Variants in RORA observed in about 807,000 individuals in gnomAD.
RORA encodes RAR related orphan receptor A, also known as nuclear receptor ROR-alpha.
Under a neutral mutation model 69.5 loss-of-function variants are expected in RORA, and 7 were observed. The ratio of observed to expected loss-of-function variants is 0.10; its 90% confidence interval spans 0.06 to 0.19. The LOEUF (loss-of-function observed/expected upper bound fraction) is 0.19, where lower values mean the gene tolerates loss of function less well. Ranked by LOEUF, RORA falls within the 10% of genes least tolerant of loss-of-function variation. The probability of loss-of-function intolerance (pLI) is 1.00; values close to 1 mark genes in which losing one functional copy is unlikely to be tolerated. For synonymous variants in RORA, 261 were observed against 240.8 expected (o/e 1.08, Z -0.78); for missense variants, 457 against 663.0 (o/e 0.69, Z 3.41).
intron 2 of RORA, chr15:60,614,901 C>G (rs340022): frequency 6.2e-7 from 1 of 1,612,342 alleles, no homozygotes; most frequent in South Asian, 1.1e-5. Flanking sequence ...CACCTTTTCT[C>G]AATGCAGGGA....
intron 2 of RORA, among the ~76,000 whole-genome samples, chr15:60,568,141 T>C (rs1302430731): frequency 1.3e-5 from 2 of 152,218 alleles, no homozygotes; most frequent in Non-Finnish European, 2.9e-5. Context: ...ATGGAGAGAA[T>C]GGTTTCCAGG....
intron 1 of RORA, among the ~76,000 whole-genome samples, chr15:61,159,444 G>C (rs2079475058): frequency 6.6e-6 from 1 of 152,038 alleles, no homozygotes; most frequent in South Asian, 2.1e-4. Context: ...AGAAACCCTT[G>C]TCAAAAACTG....
intron 2 of RORA, among the ~76,000 whole-genome samples, chr15:60,572,055 T>TA (rs2140455623): frequency 6.6e-6 from 1 of 152,340 alleles, no homozygotes; most frequent in East Asian, 1.9e-4. Flanking sequence ...GCCTGATATC[T>TA]AAATTCCATG....
chr15:60,957,777 A>T (rs967024697), intron 1 of RORA, among the ~76,000 whole-genome samples: 1 of 151,714 alleles, frequency 6.6e-6, no homozygotes, highest in Non-Finnish European at 1.5e-5. Flanking sequence ...AAGAAGATAG[A>T]GACTGTTCTA....
chr15:60,509,357 G>A lies in RORA; in HGVS notation c.820+1869C>T, dbSNP rs113406791. On this transcript the variant is annotated intron_variant, in intron 5 of 10. Transcript: ENST00000335670. ...TCTTGGTAAATACCACAACACCTGT[G>A]AAAAATCCCTAATTTAAAAGCACAT... Among the ~76,000 whole-genome samples the A allele has an allele frequency of 3.3e-5, 5 of 152,284 alleles. 1 individual carries two copies. The highest frequency in any genetic ancestry group is 1.2e-4 in the African/African-American group (5 of 41,560).
At chr15:60,696,829 G>A (rs577872335) in intron 1 of RORA, among the ~76,000 whole-genome samples, 6 of 152,230 alleles carry the variant, frequency 3.9e-5, no homozygotes, top group Admixed American at 1.3e-4. Context: ...AGAAGAAAAC[G>A]CTGAGGTGAG....
intron 1 of RORA, among the ~76,000 whole-genome samples, chr15:60,753,701 T>C (rs1368863178): frequency 6.6e-6 from 1 of 152,238 alleles, no homozygotes; most frequent in Admixed American, 6.5e-5. Context: ...TATATCCCTT[T>C]ATATTTTTTG....
chr15:60,586,814 TCAGA>T (rs1374598215), intron 2 of RORA, among the ~76,000 whole-genome samples: 1 of 152,152 alleles, frequency 6.6e-6, no homozygotes, highest in Non-Finnish European at 1.5e-5. Context: ...TTATTTGCTT[TCAGA>T]CAAACACACC....
chr15:60,926,432 T>C (rs1023694003), intron 1 of RORA, among the ~76,000 whole-genome samples: 9 of 152,232 alleles, frequency 5.9e-5, no homozygotes, highest in African/African-American at 9.6e-5. Flanking sequence ...GGGTAGATTA[T>C]AGAGTTATCC....
At chr15:61,170,363 G>A (rs753454030) in intron 1 of RORA, among the ~76,000 whole-genome samples, 26 of 152,150 alleles carry the variant, frequency 1.7e-4, no homozygotes, top group African/African-American at 5.1e-4. Flanking sequence ...GCAGTGTAGC[G>A]TCTTCAAATC....
chr15:60,898,698 TA>T (rs1339157683), intron 1 of RORA, among the ~76,000 whole-genome samples: 1 of 150,272 alleles, frequency 6.7e-6, no homozygotes. Context: ...CTCTAACTCT[TA>T]AAAAAAAAGA....
chr15:60,813,940 C>T (rs2072776555), intron 1 of RORA, among the ~76,000 whole-genome samples: 1 of 152,050 alleles, frequency 6.6e-6, no homozygotes. Flanking sequence ...CTCAGTCCTG[C>T]TTAGTTCCAT....
At chr15:60,636,923 A>G (rs1172707123) in intron 2 of RORA, among the ~76,000 whole-genome samples, 6 of 152,130 alleles carry the variant, frequency 3.9e-5, no homozygotes, top group Non-Finnish European at 8.8e-5. Flanking sequence ...TATTATTTTA[A>G]TGGCAGTATA....
chr15:60,612,623 A>G (rs969814411), intron 2 of RORA, among the ~76,000 whole-genome samples: 3 of 143,934 alleles, frequency 2.1e-5, no homozygotes, highest in Admixed American at 1.4e-4. Context: ...AATCCGAGAC[A>G]CCTCTGTACC....
chr15:60,493,856 GT>G lies in RORA; in HGVS notation c.*3598del, dbSNP rs2065098054. ...TAAATCTTTTTTTCCCCATCTTCTA[GT>G]TTTGATTTAAGTATTTTGAATACAT... is the stretch of plus-strand genomic sequence containing the variant. On this transcript the variant is annotated 3_prime_UTR_variant, in exon 11 of 11. Coordinates refer to ENST00000335670, the MANE Select transcript of RORA (RefSeq NM_134261.3). 1 of 151,590 alleles carries G rather than the reference GT, an allele frequency of 6.6e-6. No individual in the cohort carries two copies. The highest frequency in any genetic ancestry group is 2.4e-5 in the African/African-American group (1 of 41,238). The allele number at this position is 151,590 out of a possible 1,614,324, so 9.4% of individuals were successfully genotyped here.
intron 1 of RORA, among the ~76,000 whole-genome samples, chr15:60,796,990 T>A (rs4774373): frequency 0.75 from 111,245 of 148,400 alleles, 43,245 homozygotes; most frequent in Non-Finnish European, 0.86. Context: ...AGTAGGTTTA[T>A]CATTATTTAT....
chr15:60,913,482 A>G (rs1891787244), intron 1 of RORA, among the ~76,000 whole-genome samples: 1 of 152,160 alleles, frequency 6.6e-6, no homozygotes, highest in African/African-American at 2.4e-5. Context: ...TTTCTAAGAG[A>G]CTGTCAGTAC....
chr15:60,595,587 C>T (rs1456020989), intron 2 of RORA, among the ~76,000 whole-genome samples: 2 of 150,586 alleles, frequency 1.3e-5, no homozygotes, highest in Non-Finnish European at 2.9e-5. Context: ...TAGGAATAAT[C>T]GTTTGGATTT....
At chr15:61,180,317 C>T (rs2079671959) in intron 1 of RORA, among the ~76,000 whole-genome samples, 1 of 152,128 alleles carries the variant, frequency 6.6e-6, no homozygotes, top group South Asian at 2.1e-4. Context: ...TACTTATTTC[C>T]ATTTCAGAGA....
Sources: allele counts gnomAD v4.1 joint callset (sites outside exome capture counted in the v4.1 genomes callset), GRCh38; gene constraint gnomAD v4.1.1; transcripts MANE v1.5; gene names NCBI Gene and HGNC (gene_info 2026-07-23, HGNC 2026-07-21).